The following UBR2 variants were observed in gnomAD, a reference collection of about 807,000 sequenced individuals.
The protein encoded by UBR2 is E3 ubiquitin-protein ligase UBR2.
A neutral mutation model predicts 247.9 loss-of-function variants in UBR2; 92 were observed. The observed-to-expected ratio is 0.37, with a 90% CI of 0.31 to 0.44. The LOEUF (loss-of-function observed/expected upper bound fraction) is 0.44. UBR2 is among the 20% of genes least tolerant of loss of function. The pLI is 1.00. For synonymous variants in UBR2, 672 were observed against 693.5 expected (o/e 0.97, Z 0.49); for missense variants, 1,613 against 2,112.6 (o/e 0.76, Z 4.64).
At chr6:42,650,193 G>A in intron 22 of UBR2, 91 bp from the exon 23 acceptor site, 2 of 1,051,846 alleles carry the variant, frequency 1.9e-6, no homozygotes, top group South Asian at 1.5e-5. Flanking sequence ...GTATATGAGA[G>A]CTCTGCTTTC....
chr6:42,623,337 A>G (rs1053782717), intron 11 of UBR2, among the ~76,000 whole-genome samples: 1 of 151,628 alleles, frequency 6.6e-6, no homozygotes, highest in African/African-American at 2.4e-5. Context: ...GAGCCTTGTG[A>G]TGTTGCCCAG....
intron 4 of UBR2, among the ~76,000 whole-genome samples, chr6:42,598,264 T>C (rs1793127609): frequency 1.3e-5 from 2 of 152,222 alleles, no homozygotes; most frequent in East Asian, 1.9e-4. Flanking sequence ...GAGAAAATTA[T>C]ATGAAATCCA....
chr6:42,581,049 T>C (rs1350248177), intron 2 of UBR2, among the ~76,000 whole-genome samples: 3 of 148,286 alleles, frequency 2.0e-5, no homozygotes, highest in Non-Finnish European at 4.5e-5. Context: ...GGTTTTGCTC[T>C]ATTGACCAGG....
At chr6:42,627,153 G>T (rs562961196) in intron 11 of UBR2, among the ~76,000 whole-genome samples, 1 of 152,216 alleles carries the variant, frequency 6.6e-6, no homozygotes, top group African/African-American at 2.4e-5. Context: ...GGTCCAGGGT[G>T]GAATCACAGG....
intron 8 of UBR2, among the ~76,000 whole-genome samples, chr6:42,614,404 G>GCATA (rs1794380050): frequency 8.7e-6 from 1 of 114,684 alleles, no homozygotes; most frequent in African/African-American, 3.5e-5. Context: ...ACATACATAC[G>GCATA]TATGTATGTA....
rs1297543920 is a variant in UBR2, at chr6:42,670,725, C to CA, written c.4086+11dup. 7 of 1,602,938 alleles carry CA rather than the reference C, an allele frequency of 4.4e-6. No homozygotes were observed. The Admixed American group carries it at 1.2e-4, about 28-fold the overall frequency. On this transcript the variant is annotated intron_variant, in intron 36 of 46. Transcript: ENST00000372901. ...TTTACCTTGCAGACTGGTAAGTTCT[C>CA]AGTTTATTCAGTTCATGATAGTGGG...
intron 44 of UBR2, among the ~76,000 whole-genome samples, chr6:42,687,491 G>C (rs1017362707): frequency 6.6e-6 from 1 of 152,114 alleles, no homozygotes; most frequent in African/African-American, 2.4e-5. Flanking sequence ...GAGAGGGAGA[G>C]AAGAGAGGGA....
chr6:42,604,760 C>A (rs1300454505), intron 5 of UBR2, among the ~76,000 whole-genome samples: 1 of 152,138 alleles, frequency 6.6e-6, no homozygotes, highest in East Asian at 1.9e-4. Flanking sequence ...GGCACAGTGG[C>A]TCATGCCTGT....
At chr6:42,589,504 C>T (rs113419579) in intron 2 of UBR2, among the ~76,000 whole-genome samples, 23 of 152,302 alleles carry the variant, frequency 1.5e-4, no homozygotes, top group East Asian at 7.7e-4. Context: ...ATTAGAGCGA[C>T]GCTGGCCTAA....
intron 33 of UBR2, 38 bp from the exon 34 acceptor site, chr6:42,666,129 A>G (rs890093813): frequency 6.5e-7 from 1 of 1,530,854 alleles, no homozygotes; most frequent in African/African-American, 1.4e-5. Flanking sequence ...GAATATTGTC[A>G]TCTATTGAAT....
chr6:42,632,975 T>A lies in UBR2; in HGVS notation c.1545+71T>A, dbSNP rs564380660. Reference sequence around the variant, plus strand: ...TCTTTTCTCTTTTTTTTTTTTTTTTTAATTTTTCTTTTTCTTTTTAAGAGA... The same window carrying A: ...TCTTTTCTCTTTTTTTTTTTTTTTTAAATTTTTCTTTTTCTTTTTAAGAGA... On this transcript the variant is annotated intron_variant, in intron 13 of 46. Coordinates refer to ENST00000372901, the MANE Select transcript of UBR2 (RefSeq NM_001363705.2). 87 of 1,030,628 alleles carry A rather than the reference T, an allele frequency of 8.4e-5. 1 individual carries two copies. The Middle Eastern group carries it at 1.7e-3, about 20-fold the overall frequency. The allele number at this position is 1,030,628 out of a possible 1,614,324, so 63.8% of individuals were successfully genotyped here.
At chr6:42,568,821 T>G (rs1212766883) in intron 1 of UBR2, among the ~76,000 whole-genome samples, 1 of 152,212 alleles carries the variant, frequency 6.6e-6, no homozygotes, top group Non-Finnish European at 1.5e-5. Flanking sequence ...TGTTTTGGAT[T>G]TTGGATTTTT....
At chr6:42,684,637 T>C (rs1233595567) in intron 43 of UBR2, among the ~76,000 whole-genome samples, 157 bp from the exon 44 acceptor site, 1 of 151,666 alleles carries the variant, frequency 6.6e-6, no homozygotes, top group Non-Finnish European at 1.5e-5. Flanking sequence ...TAATCCCCCC[T>C]TCAGTTTAAC....
chr6:42,684,220 A>G (rs902610908), intron 43 of UBR2, among the ~76,000 whole-genome samples: 4 of 152,160 alleles, frequency 2.6e-5, no homozygotes, highest in African/African-American at 9.7e-5. Flanking sequence ...TAATTTCTCT[A>G]AAGTTAAAGC....
At chr6:42,612,801 C>T (rs531760133) in intron 8 of UBR2, among the ~76,000 whole-genome samples, 28 of 152,212 alleles carry the variant, frequency 1.8e-4, no homozygotes, top group Non-Finnish European at 3.4e-4. Context: ...TACCAATTTG[C>T]GTTTTTAAAA....
At chr6:42,631,411 TTG>T (rs900962059) in intron 11 of UBR2, among the ~76,000 whole-genome samples, 59 of 152,248 alleles carry the variant, frequency 3.9e-4, no homozygotes, top group African/African-American at 1.4e-3. Flanking sequence ...ATGGCCCACA[TTG>T]TAGGTAGAAA....
At chr6:42,604,433 G>C (rs541125048) in intron 5 of UBR2, among the ~76,000 whole-genome samples, 14 of 152,234 alleles carry the variant, frequency 9.2e-5, no homozygotes, top group African/African-American at 2.9e-4. Flanking sequence ...TTGTGTTTCA[G>C]ATAAAGTTGT....
intron 2 of UBR2, among the ~76,000 whole-genome samples, chr6:42,586,155 A>G (rs1291859978): frequency 6.6e-6 from 1 of 152,090 alleles, no homozygotes; most frequent in Non-Finnish European, 1.5e-5. Flanking sequence ...GCTTGAGCCC[A>G]GGAGTTCAAG....
intron 18 of UBR2, 69 bp from the exon 19 acceptor site, chr6:42,644,145 A>G: frequency 1.3e-6 from 2 of 1,497,882 alleles, no homozygotes; most frequent in Non-Finnish European, 1.8e-6. Context: ...TCTCTCACTA[A>G]TTGTTTCAAT....
Sources: allele counts gnomAD v4.1 joint callset (sites outside exome capture counted in the v4.1 genomes callset), GRCh38; gene constraint gnomAD v4.1.1; transcripts MANE v1.5; gene names NCBI Gene and HGNC (gene_info 2026-07-23, HGNC 2026-07-21).